The following ADAMTS6 variants were observed in gnomAD, a reference collection of about 807,000 sequenced individuals.
ADAMTS6 encodes A disintegrin and metalloproteinase with thrombospondin motifs 6.
A neutral mutation model predicts 144.3 loss-of-function variants in ADAMTS6; 23 were observed. That is an observed-to-expected ratio of 0.16 (90% confidence interval 0.11 to 0.23). The LOEUF (loss-of-function observed/expected upper bound fraction) is 0.23. Among genes scored for constraint, ADAMTS6 ranks in the 10% least tolerant of loss-of-function variants. ADAMTS6 has a pLI of 1.00. For missense variants in ADAMTS6, 999 were observed against 1,379.6 expected (o/e 0.72, Z 4.37); for synonymous variants, 444 against 457.5 (o/e 0.97, Z 0.38).
intron 23 of ADAMTS6, 59 bp downstream of exon 23, chr5:65,172,773 C>A (rs1753714152): frequency 6.4e-7 from 1 of 1,563,296 alleles, no homozygotes; most frequent in East Asian, 2.2e-5. Flanking sequence ...ACACAAGGAA[C>A]CTCAGGTTTG....
At chr5:65,442,807 T>C (rs1320774440) in intron 7 of ADAMTS6, among the ~76,000 whole-genome samples, 1 of 152,144 alleles carries the variant, frequency 6.6e-6, no homozygotes, top group Non-Finnish European at 1.5e-5. Context: ...GCATCAGCTC[T>C]TTTCCCAAAT....
intron 7 of ADAMTS6, among the ~76,000 whole-genome samples, chr5:65,356,797 C>T (rs567423160): frequency 1.3e-5 from 2 of 151,994 alleles, no homozygotes; most frequent in Admixed American, 6.6e-5. Context: ...GATGCAGCTG[C>T]TCTCTGAAGT....
intron 24 of ADAMTS6, among the ~76,000 whole-genome samples, chr5:65,153,841 C>A (rs989564033): frequency 6.6e-6 from 1 of 152,164 alleles, no homozygotes; most frequent in African/African-American, 2.4e-5. Context: ...AATTATAATA[C>A]ATAATGAATG....
intron 14 of ADAMTS6, among the ~76,000 whole-genome samples, chr5:65,248,974 TTAAGAAA>T (rs1561327732): frequency 6.6e-6 from 1 of 152,126 alleles, no homozygotes; most frequent in East Asian, 1.9e-4. Context: ...AAAATTCATA[TTAAGAAA>T]GATTACCAAG....
At chr5:65,252,600 T>A (rs1235654199) in intron 14 of ADAMTS6, among the ~76,000 whole-genome samples, 3 of 151,030 alleles carry the variant, frequency 2.0e-5, no homozygotes, top group Non-Finnish European at 2.9e-5. Context: ...TCTGATCTTC[T>A]AATTTATTAT....
chr5:65,450,068 A>T (rs1561552301), intron 7 of ADAMTS6, among the ~76,000 whole-genome samples: 1 of 152,156 alleles, frequency 6.6e-6, no homozygotes, highest in African/African-American at 2.4e-5. Context: ...GACACTAATC[A>T]ATGTCCATAT....
rs959420906 is a variant in ADAMTS6 at position 65,451,498 on chromosome 5, G to A, written c.1050C>T (p.His350=). Residue 350 remains histidine, a synonymous_variant, in exon 7 of 25, where the codon CAC becomes CAT. Transcript: ENST00000381055. Reference sequence around the variant, plus strand: ...ACCTAGTAATAAGAACTGCATTATCGTGGTGGGCAATCCCATTTTCTGGAA... The same window carrying A: ...ACCTAGTAATAAGAACTGCATTATCATGGTGGGCAATCCCATTTTCTGGAA... ...NTIPENGIAH[H]DNAVLITRYD... 11 of 1,613,538 alleles carry A rather than the reference G, an allele frequency of 6.8e-6. No individual in the cohort carries two copies. Among genetic ancestry groups the A allele is most frequent in the South Asian group, 4.4e-5 (4 of 91,056 alleles).
chr5:65,371,810 C>T (rs1375547573), intron 7 of ADAMTS6, among the ~76,000 whole-genome samples: 4 of 152,056 alleles, frequency 2.6e-5, no homozygotes, highest in South Asian at 2.1e-4. Flanking sequence ...ACTCCCAAGA[C>T]ACATAATTGT....
intron 11 of ADAMTS6, among the ~76,000 whole-genome samples, chr5:65,283,463 G>C (rs940058524): frequency 6.6e-6 from 1 of 151,284 alleles, no homozygotes; most frequent in Non-Finnish European, 1.5e-5. Flanking sequence ...TTAAAAAAAA[G>C]AAAAGAAAAG....
rs1280556689 is a variant in ADAMTS6 at position 65,230,768 on chromosome 5, CAT to C, written c.1934-4551_1934-4550del. 5.0e-5 allele frequency among the ~76,000 whole-genome samples: 5 copies of C among 99,072 alleles called. 1 individual carries two copies. The South Asian group carries it at 1.3e-3, about 26-fold the overall frequency. 65.0% of individuals were successfully genotyped at this position (99,072 alleles called of 152,430 possible). The stretch of plus-strand genomic sequence containing the variant: ...ATATGTATGAAATATATATATAACA[CAT>C]ATGTATGAAATATATATATAACACA... On this transcript the variant is annotated intron_variant, in intron 15 of 24. Coordinates refer to ENST00000381055, the MANE Select transcript of ADAMTS6 (RefSeq NM_197941.4).
intron 20 of ADAMTS6, chr5:65,198,487 T>G (rs911982368): frequency 1.2e-5 from 2 of 167,026 alleles, no homozygotes; most frequent in African/African-American, 4.8e-5. Flanking sequence ...TCATAGAAAT[T>G]CTGCAGGTGG....
intron 12 of ADAMTS6, among the ~76,000 whole-genome samples, chr5:65,268,579 G>A (rs577898944): frequency 6.6e-6 from 1 of 152,184 alleles, no homozygotes; most frequent in South Asian, 2.1e-4. Flanking sequence ...TTCCTCCTTT[G>A]GTTAATGCTA....
intron 18 of ADAMTS6, among the ~76,000 whole-genome samples, chr5:65,217,475 A>G (rs758416687): frequency 4.6e-5 from 7 of 152,088 alleles, no homozygotes; most frequent in East Asian, 1.9e-4. Flanking sequence ...AAAAACACCA[A>G]CCATTTAAGA....
intron 22 of ADAMTS6, among the ~76,000 whole-genome samples, chr5:65,177,744 G>C (rs1307226190): frequency 6.6e-6 from 1 of 152,236 alleles, no homozygotes; most frequent in Admixed American, 6.5e-5. Flanking sequence ...CCTGGTTGGA[G>C]TCGATCAAAT....
At chr5:65,388,154 A>G (rs925094243) in intron 7 of ADAMTS6, among the ~76,000 whole-genome samples, 2 of 152,136 alleles carry the variant, frequency 1.3e-5, no homozygotes, top group Non-Finnish European at 2.9e-5. Flanking sequence ...AGTTGCGGTG[A>G]GCCAAGATCG....
At chr5:65,453,403 A>T (rs1416764856) in intron 4 of ADAMTS6, among the ~76,000 whole-genome samples, 3 of 152,210 alleles carry the variant, frequency 2.0e-5, no homozygotes, top group African/African-American at 7.2e-5. Context: ...TTTAATTAGA[A>T]TCAATTCTAC....
chr5:65,394,016 C>T (rs1473371090), intron 7 of ADAMTS6, among the ~76,000 whole-genome samples: 1 of 152,128 alleles, frequency 6.6e-6, no homozygotes, highest in Non-Finnish European at 1.5e-5. Flanking sequence ...CAGAGTTAAT[C>T]ATTCATGTGG....
rs1280359887 is a variant in ADAMTS6 at position 65,224,970 on chromosome 5, T to C, written c.2145A>G (p.Thr715=). The C allele has an allele frequency of 1.2e-6, 2 of 1,614,112 alleles. No homozygotes were observed. Among genetic ancestry groups the C allele is most frequent in the South Asian group, 1.1e-5 (1 of 91,068 alleles). The part of the protein sequence containing the change: ...RCRVCGGDGS[T]CDAIEGFFND... ...TGAAGAACCCTTCAATGGCATCACA[T>C]GTGCTTCCGTCCCCTCCACAGACTC... Residue 715 remains threonine, a synonymous_variant, in exon 17 of 25, where the codon ACA becomes ACG. Coordinates refer to ENST00000381055, the MANE Select transcript of ADAMTS6 (RefSeq NM_197941.4).
At chr5:65,191,698 A>T (rs1158173579) in intron 21 of ADAMTS6, among the ~76,000 whole-genome samples, 3 of 152,146 alleles carry the variant, frequency 2.0e-5, no homozygotes, top group South Asian at 2.1e-4. Flanking sequence ...TTAAAAAAAT[A>T]AAAAGAATTT....
Sources: allele counts gnomAD v4.1 joint callset (sites outside exome capture counted in the v4.1 genomes callset), GRCh38; gene constraint gnomAD v4.1.1; transcripts MANE v1.5; gene names NCBI Gene and HGNC (gene_info 2026-07-23, HGNC 2026-07-21).